The following MAD1L1 variants were observed in gnomAD, a reference collection of about 807,000 sequenced individuals.
MAD1L1 encodes mitotic arrest deficient 1 like 1.
A neutral mutation model predicts 96.9 loss-of-function variants in MAD1L1; 95 were observed. That is an observed-to-expected ratio of 0.98 (90% CI 0.83 to 1.16). MAD1L1 has a LOEUF of 1.16. MAD1L1 is among the 50% of genes most tolerant of loss of function. MAD1L1 has a pLI of 0.00. For missense variants in MAD1L1, 1,007 were observed against 954.4 expected (o/e 1.06, Z -0.73); for synonymous variants, 473 against 396.6 (o/e 1.19, Z -2.29).
At chr7:1,846,481 C>T (rs1374589465) in intron 18 of MAD1L1, 2 of 153,184 alleles carry the variant, frequency 1.3e-5, no homozygotes, top group Non-Finnish European at 2.9e-5. Context: ...AAGGGTCACT[C>T]GTGCCCGAGG....
chr7:1,935,035 C>G (rs1451182876), intron 17 of MAD1L1, among the ~76,000 whole-genome samples: 1 of 152,206 alleles, frequency 6.6e-6, no homozygotes, highest in Non-Finnish European at 1.5e-5. Context: ...ACGGGCAAAC[C>G]CGAGACGGGC....
chr7:1,822,133 A>G (rs1036768286), intron 18 of MAD1L1, among the ~76,000 whole-genome samples: 12 of 152,140 alleles, frequency 7.9e-5, no homozygotes, highest in African/African-American at 2.9e-4. Flanking sequence ...TGCAGGAAAT[A>G]AGATGAACAT....
intron 14 of MAD1L1, among the ~76,000 whole-genome samples, chr7:1,992,471 C>CT (rs1341068513): frequency 1.3e-5 from 2 of 152,068 alleles, no homozygotes; most frequent in African/African-American, 2.4e-5. Context: ...TGTATGCAGC[C>CT]TCAAGCGCTT....
chr7:2,173,576 G>A (rs1045686038), intron 10 of MAD1L1, among the ~76,000 whole-genome samples: 3 of 152,112 alleles, frequency 2.0e-5, no homozygotes, highest in Non-Finnish European at 2.9e-5. Context: ...ATGCTCACCC[G>A]GCATCGGGCT....
chr7:2,077,731 G>C (rs1398358986), intron 11 of MAD1L1, among the ~76,000 whole-genome samples: 4 of 152,224 alleles, frequency 2.6e-5, no homozygotes, highest in African/African-American at 9.6e-5. Context: ...GCAGGGAGCA[G>C]AGGACAGGCT....
rs1203685996 is a variant in MAD1L1 at position 2,228,676 on chromosome 7, T to TGA, written c.150+1306_150+1307dup. On this transcript the variant is annotated intron_variant, in intron 3 of 18. Transcript: ENST00000265854. ...ATACACACACACATATATATATATA[T>TGA]GACCTAATCTCAGAATAAAAAACAG... Among the ~76,000 whole-genome samples the TGA allele has an allele frequency of 2.1e-5, 3 of 142,444 alleles. No individual in the cohort carries two copies. In the Admixed American group the frequency reaches 2.1e-4, roughly 10 times the overall value. 93.4% of individuals were successfully genotyped at this position (142,444 alleles called of 152,430 possible). A position where few individuals can be genotyped will look rare whatever the true frequency, so the allele number is the denominator to read the frequency against.
intron 18 of MAD1L1, among the ~76,000 whole-genome samples, chr7:1,828,083 G>GCTT (rs1217747505): frequency 1.3e-5 from 2 of 151,922 alleles, no homozygotes; most frequent in Admixed American, 6.5e-5. Context: ...GTCTCTCTGA[G>GCTT]CTGAAGTTTC....
At chr7:2,147,548 C>G (rs1025585614) in intron 11 of MAD1L1, among the ~76,000 whole-genome samples, 5 of 152,224 alleles carry the variant, frequency 3.3e-5, no homozygotes, top group African/African-American at 1.2e-4. Context: ...TACTGAGGAC[C>G]TCGTCTCACC....
At chr7:1,941,031 C>G (rs116007696) in intron 16 of MAD1L1, among the ~76,000 whole-genome samples, 1 of 149,574 alleles carries the variant, frequency 6.7e-6, no homozygotes, top group African/African-American at 2.5e-5. Flanking sequence ...TTCAACACCG[C>G]GGACCTCCTG....
At chr7:1,999,027 C>G (rs1354056927) in intron 14 of MAD1L1, among the ~76,000 whole-genome samples, 1 of 152,134 alleles carries the variant, frequency 6.6e-6, no homozygotes, top group African/African-American at 2.4e-5. Flanking sequence ...ACCCCACACA[C>G]TGCTGGACAC....
chr7:2,198,501 C>T (rs1165932214), intron 10 of MAD1L1, among the ~76,000 whole-genome samples: 1 of 152,264 alleles, frequency 6.6e-6, no homozygotes, highest in Non-Finnish European at 1.5e-5. Flanking sequence ...ACCAGGAGCG[C>T]TGGCATCGCC....
At chr7:2,075,953 G>A (rs1237599668) in intron 11 of MAD1L1, among the ~76,000 whole-genome samples, 1 of 152,214 alleles carries the variant, frequency 6.6e-6, no homozygotes, top group Non-Finnish European at 1.5e-5. Context: ...GAAACCATGG[G>A]GCTCTGGAGC....
At chr7:2,203,590 C>T (rs1792429289) in intron 10 of MAD1L1, among the ~76,000 whole-genome samples, 1 of 152,212 alleles carries the variant, frequency 6.6e-6, no homozygotes, top group South Asian at 2.1e-4. Context: ...TCAACAGGGG[C>T]TGCTGGAGTC....
At chr7:1,873,814 C>T (rs116561334) in intron 18 of MAD1L1, among the ~76,000 whole-genome samples, 1 of 152,148 alleles carries the variant, frequency 6.6e-6, no homozygotes. Context: ...GGGGAGCAGG[C>T]AGGGCTTATC....
chr7:1,936,800 T>C lies in MAD1L1; in HGVS notation c.1694A>G (p.Gln565Arg). The C allele has an allele frequency of 6.3e-7, 1 of 1,592,782 alleles. No homozygotes were observed. Among genetic ancestry groups the C allele is most frequent in the Non-Finnish European group, 8.5e-7 (1 of 1,170,600 alleles). The change falls in exon 17 of 19, where the codon CAG becomes CGG. Residue 565 changes from glutamine (Q) to arginine (R), a missense_variant. Coordinates refer to ENST00000265854, the MANE Select transcript of MAD1L1 (RefSeq NM_001013836.2). Reference sequence around the variant, plus strand: ...CCCGCGCAGTCGCTCGCACTCCGCCTGCAGCTGGCTGTGGTCCTCGCGCAG... The same window carrying C: ...CCCGCGCAGTCGCTCGCACTCCGCCCGCAGCTGGCTGTGGTCCTCGCGCAG... ...QRLREDHSQL[Q>R]AECERLRGLL... is the part of the protein sequence containing the mutation.
intron 10 of MAD1L1, among the ~76,000 whole-genome samples, chr7:2,173,319 G>T (rs2128596291): frequency 6.6e-6 from 1 of 152,216 alleles, no homozygotes; most frequent in East Asian, 1.9e-4. Flanking sequence ...CGCCCCGCAG[G>T]TACCACCATC....
At chr7:2,050,737 G>A (rs559037661) in intron 12 of MAD1L1, among the ~76,000 whole-genome samples, 48 of 152,292 alleles carry the variant, frequency 3.2e-4, no homozygotes, top group Non-Finnish European at 5.9e-4. Context: ...CAGTACCCCC[G>A]AGGGCGGCTC....
intron 18 of MAD1L1, among the ~76,000 whole-genome samples, chr7:1,887,951 ATG>A (rs1786232465): frequency 4.3e-5 from 1 of 23,256 alleles, no homozygotes; most frequent in Admixed American, 6.1e-4. Context: ...GTGTATGCAC[ATG>A]TGTATGTGGC....
At chr7:2,003,680 T>A (rs1232923306) in intron 13 of MAD1L1, among the ~76,000 whole-genome samples, 1 of 152,134 alleles carries the variant, frequency 6.6e-6, no homozygotes, top group Non-Finnish European at 1.5e-5. Context: ...GTGCAACGCC[T>A]GTGGATGAGG....
Sources: gnomAD v4.1 joint callset for allele counts (sites outside exome capture counted in the v4.1 genomes callset) on GRCh38, gnomAD v4.1.1 for gene constraint, MANE v1.5 for transcripts, NCBI Gene and HGNC (gene_info 2026-07-23, HGNC 2026-07-21) for gene names.